Variants in ARHGAP24 observed in about 807,000 individuals in gnomAD.
ARHGAP24 encodes the protein rho GTPase-activating protein 24.
ARHGAP24 carries 50 observed loss-of-function variants against 76.4 expected under a neutral mutation model. The observed-to-expected ratio is 0.65, with a 90% CI of 0.52 to 0.83. The LOEUF (loss-of-function observed/expected upper bound fraction) is 0.83. Ranked by LOEUF, ARHGAP24 falls within the 40% of genes least tolerant of loss-of-function variation. The pLI, the probability that ARHGAP24 is intolerant of heterozygous loss-of-function variation, is 0.00. For synonymous variants in ARHGAP24, 345 were observed against 323.3 expected (o/e 1.07, Z -0.72); for missense variants, 930 against 914.2 (o/e 1.02, Z -0.22).
chr4:85,655,766 CATATATAT>C lies in ARHGAP24; in HGVS notation c.181-66099_181-66092del, dbSNP rs370571889. Reference sequence around the variant, plus strand: ...CAGCCTGGGTGACAGAGTGAGACTCCATATATATATATATATATATATATATAGAGAGA... The same window carrying C: ...CAGCCTGGGTGACAGAGTGAGACTCCATATATATATATATATATAGAGAGA... On this transcript the variant is annotated intron_variant, in intron 2 of 9. Coordinates refer to ENST00000395184, the MANE Select transcript of ARHGAP24 (RefSeq NM_001025616.3). Among the ~76,000 whole-genome samples the C allele has an allele frequency of 4.1e-3, 284 of 69,064 alleles. 12 individuals carry two copies. The highest frequency in any genetic ancestry group is 0.033 in the East Asian group (79 of 2,418). The allele number at this position is 69,064 out of a possible 152,430, so 45.3% of individuals were successfully genotyped here. A position where few individuals can be genotyped will look rare whatever the true frequency, so the allele number is the denominator to read the frequency against.
intron 5 of ARHGAP24, among the ~76,000 whole-genome samples, chr4:85,959,087 A>T (rs1738090595): frequency 1.3e-5 from 2 of 152,076 alleles, no homozygotes; most frequent in African/African-American, 4.8e-5. Flanking sequence ...AAGAATGGCC[A>T]CTCCATAGAC....
chr4:85,974,568 A>G (rs1233800422), intron 6 of ARHGAP24, among the ~76,000 whole-genome samples: 1 of 152,030 alleles, frequency 6.6e-6, no homozygotes, highest in African/African-American at 2.4e-5. Flanking sequence ...TACATCACTT[A>G]CTCTTCTTCA....
At position 85,835,432 on chromosome 4, in the gene ARHGAP24, C is replaced by T. The variant is rs1395656988; in HGVS notation, c.269-88216C>T. Among the ~76,000 whole-genome samples, 3 of 150,670 alleles carry T rather than the reference C, an allele frequency of 2.0e-5. No homozygotes were observed. In the East Asian group the frequency reaches 6.1e-4, roughly 30 times the overall value. On this transcript the variant is annotated intron_variant, in intron 3 of 9. Coordinates refer to ENST00000395184, the MANE Select transcript of ARHGAP24 (RefSeq NM_001025616.3). ...AAAATTAGCCAGGCGTGGTGGCGGG[C>T]GTCTGTAGTCCCAGCTGGGAGGCTG...
chr4:85,690,189 C>A (rs141490432), intron 2 of ARHGAP24, among the ~76,000 whole-genome samples: 1 of 151,944 alleles, frequency 6.6e-6, no homozygotes, highest in Non-Finnish European at 1.5e-5. Context: ...GTCTTTGTTG[C>A]GGATTTTTGC....
intron 1 of ARHGAP24, among the ~76,000 whole-genome samples, chr4:85,564,640 G>A (rs11947899): frequency 0.2 from 30,369 of 151,340 alleles, 4,415 homozygotes; most frequent in East Asian, 0.78. Flanking sequence ...AGGGGGAGAT[G>A]GTTTGGGGAT....
intron 3 of ARHGAP24, among the ~76,000 whole-genome samples, chr4:85,810,441 T>A (rs966667784): frequency 1.3e-5 from 2 of 152,172 alleles, no homozygotes; most frequent in African/African-American, 4.8e-5. Context: ...CGTTGTCAGA[T>A]GCGTGGATTC....
At chr4:85,977,480 C>T (rs1739408674) in intron 7 of ARHGAP24, 90 bp from the exon 8 acceptor site, 1 of 1,433,644 alleles carries the variant, frequency 7.0e-7, no homozygotes, top group Non-Finnish European at 9.6e-7. Context: ...TTGAACATAA[C>T]TTTAGTTTGT....
At chr4:85,913,264 C>G (rs1234911040) in intron 3 of ARHGAP24, among the ~76,000 whole-genome samples, 1 of 151,690 alleles carries the variant, frequency 6.6e-6, no homozygotes, top group Non-Finnish European at 1.5e-5. Context: ...TTCATTTGTG[C>G]TGATCTGTTG....
chr4:85,770,392 A>G (rs1271500795), intron 3 of ARHGAP24, among the ~76,000 whole-genome samples: 1 of 152,194 alleles, frequency 6.6e-6, no homozygotes, highest in East Asian at 1.9e-4. Context: ...GAAAATTCCA[A>G]TAGTCCTCCT....
intron 1 of ARHGAP24, among the ~76,000 whole-genome samples, chr4:85,522,820 A>T (rs1443169615): frequency 6.6e-6 from 1 of 152,198 alleles, no homozygotes; most frequent in Non-Finnish European, 1.5e-5. Flanking sequence ...CATGATGTAA[A>T]GTAAGTGAAC....
rs924969018 is a variant in ARHGAP24 at position 85,475,398 on chromosome 4, G to A, written c.-182G>A. ...CTATTTCCTCCGAAACCCGCGCTGC[G>A]GAGCAGCCCAGTGCATAGAGTTCAA... is the stretch of plus-strand genomic sequence containing the variant. On this transcript the variant is annotated 5_prime_UTR_variant, in exon 1 of 10. Coordinates refer to ENST00000395184, the MANE Select transcript of ARHGAP24 (RefSeq NM_001025616.3). 9.2e-5 allele frequency: 14 copies of A among 152,714 alleles called. No individual in the cohort carries two copies. The highest frequency in any genetic ancestry group is 3.4e-4 in the African/African-American group (14 of 41,422). The allele number at this position is 152,714 out of a possible 1,614,324, so 9.5% of individuals were successfully genotyped here. A position where few individuals can be genotyped will look rare whatever the true frequency, so the allele number is the denominator to read the frequency against.
rs17010267 is a variant in ARHGAP24, at chr4:85,508,666, G to A, written c.-21+33107G>A. On this transcript the variant is annotated intron_variant, in intron 1 of 9. Coordinates refer to ENST00000395184, the MANE Select transcript of ARHGAP24 (RefSeq NM_001025616.3). ...CCAGACCCTTACCATTTGATGCCTGGACTATTGGTGTTTTGCACAAAGGTA... is the reference window on the plus strand; with the variant it reads ...CCAGACCCTTACCATTTGATGCCTGAACTATTGGTGTTTTGCACAAAGGTA... Among the ~76,000 whole-genome samples the A allele has an allele frequency of 4.8e-3, 737 of 152,222 alleles. 6 individuals carry two copies. The highest frequency in any genetic ancestry group is 0.017 in the African/African-American group (694 of 41,538).
At chr4:85,915,404 T>C (rs1480286778) in intron 3 of ARHGAP24, among the ~76,000 whole-genome samples, 1 of 152,216 alleles carries the variant, frequency 6.6e-6, no homozygotes, top group Non-Finnish European at 1.5e-5. Context: ...ACTTGAAAGA[T>C]AAATCAGTCA....
rs751918340 is a variant in ARHGAP24 at position 85,942,145 on chromosome 4, G to A, written c.471G>A (p.Glu157=). The stretch of plus-strand genomic sequence containing the variant: ...ACCGTCTGGCTCCGATGTTGGTGGA[G>A]CAGTGCGTGGACTTTATCCGACAAA... The part of the protein sequence containing the change: ...YGNRLAPMLV[E]QCVDFIRQRG... The change falls in exon 5 of 10, where the codon GAG becomes GAA. Residue 157 remains glutamate, a synonymous_variant. Coordinates refer to ENST00000395184, the MANE Select transcript of ARHGAP24 (RefSeq NM_001025616.3). 7 of 1,614,034 alleles carry A rather than the reference G, an allele frequency of 4.3e-6. No homozygotes were observed. Among genetic ancestry groups the A allele is most frequent in the African/African-American group, 4.0e-5 (3 of 75,018 alleles).
At chr4:85,756,761 A>C (rs114014161) in intron 3 of ARHGAP24, among the ~76,000 whole-genome samples, 245 of 152,228 alleles carry the variant, frequency 1.6e-3, no homozygotes, top group African/African-American at 5.6e-3. Flanking sequence ...CGGCTCCTGC[A>C]GTTGGGTGTG....
At chr4:85,985,604 G>A (rs749796123) in intron 8 of ARHGAP24, among the ~76,000 whole-genome samples, 2 of 151,990 alleles carry the variant, frequency 1.3e-5, no homozygotes, top group Non-Finnish European at 2.9e-5. Flanking sequence ...TGTAACAAAC[G>A]TGCAGTTATA....
intron 1 of ARHGAP24, among the ~76,000 whole-genome samples, chr4:85,488,597 G>T (rs1723240529): frequency 6.6e-6 from 1 of 152,118 alleles, no homozygotes; most frequent in Non-Finnish European, 1.5e-5. Flanking sequence ...CCCAGGACAC[G>T]TGAGGAACAA....
intron 1 of ARHGAP24, among the ~76,000 whole-genome samples, chr4:85,549,465 G>T (rs1261349222): frequency 6.6e-6 from 1 of 151,892 alleles, no homozygotes; most frequent in African/African-American, 2.4e-5. Flanking sequence ...TCTGTGAAGT[G>T]CCTATTTAAA....
intron 1 of ARHGAP24, among the ~76,000 whole-genome samples, chr4:85,491,564 C>A (rs1407747120): frequency 1.3e-5 from 2 of 152,074 alleles, no homozygotes; most frequent in African/African-American, 2.4e-5. Flanking sequence ...TGTGTGGAAA[C>A]CAGGCTGGAG....
Sources: gnomAD v4.1 joint callset for allele counts (sites outside exome capture counted in the v4.1 genomes callset) on GRCh38, gnomAD v4.1.1 for gene constraint, MANE v1.5 for transcripts, NCBI Gene and HGNC (gene_info 2026-07-23, HGNC 2026-07-21) for gene names.